LOXHD1: variants seen among roughly 807,000 people sequenced by gnomAD.
LOXHD1 encodes lipoxygenase homology PLAT domains 1.
A neutral mutation model predicts 248.2 loss-of-function variants in LOXHD1; 205 were observed. That is an observed-to-expected ratio of 0.83 (90% CI 0.74 to 0.93). The LOEUF (loss-of-function observed/expected upper bound fraction) is 0.93. Among genes scored for constraint, LOXHD1 ranks in the 40% least tolerant of loss-of-function variants. The pLI is 0.00. For synonymous variants in LOXHD1, 1,113 were observed against 1,162.8 expected (o/e 0.96, Z 0.87); for missense variants, 2,930 against 2,971.6 (o/e 0.99, Z 0.33).
chr18:46,537,350 T>C (rs1051577972), intron 26 of LOXHD1, among the ~76,000 whole-genome samples: 1 of 152,214 alleles, frequency 6.6e-6, no homozygotes, highest in Non-Finnish European at 1.5e-5. Context: ...GGGACAATTA[T>C]AGCACAGAGT....
chr18:46,479,803 T>C (rs2143469518), intron 40 of LOXHD1, among the ~76,000 whole-genome samples: 1 of 152,092 alleles, frequency 6.6e-6, no homozygotes, highest in Admixed American at 6.5e-5. Context: ...TTTGGTTTTT[T>C]GCCTGCTTAC....
At chr18:46,653,457 T>G (rs2039138745) in intron 1 of LOXHD1, among the ~76,000 whole-genome samples, 1 of 152,190 alleles carries the variant, frequency 6.6e-6, no homozygotes. Context: ...GTTTAAAATT[T>G]TAACTTAAAG....
intron 18 of LOXHD1, 104 bp from the exon 19 acceptor site, chr18:46,560,649 G>A (rs1298525395): frequency 1.8e-6 from 2 of 1,093,202 alleles, no homozygotes; most frequent in South Asian, 1.6e-5. Flanking sequence ...TGTTTGCTAA[G>A]CTGCAGGATG....
At chr18:46,645,984 G>A (rs2039024131) in intron 2 of LOXHD1, among the ~76,000 whole-genome samples, 1 of 152,240 alleles carries the variant, frequency 6.6e-6, no homozygotes, top group Non-Finnish European at 1.5e-5. Flanking sequence ...CTGTAAGACT[G>A]AGGCTCTAAT....
intron 24 of LOXHD1, among the ~76,000 whole-genome samples, 189 bp from the exon 25 acceptor site, chr18:46,542,129 C>A (rs2036586431): frequency 6.6e-6 from 1 of 152,174 alleles, no homozygotes; most frequent in Admixed American, 6.5e-5. Context: ...GAAGCTGGAT[C>A]ACACTCCAGG....
intron 36 of LOXHD1, 47 bp downstream of exon 36, chr18:46,507,491 G>A (rs981162743): frequency 1.2e-5 from 19 of 1,547,966 alleles, no homozygotes; most frequent in African/African-American, 6.9e-5. Context: ...CGAATTTGAC[G>A]GTTGGAGTGG....
At chr18:46,618,358 T>C in intron 4 of LOXHD1, 68 bp from the exon 5 acceptor site, 1 of 1,009,426 alleles carries the variant, frequency 9.9e-7, no homozygotes, top group Non-Finnish European at 1.5e-6. Flanking sequence ...GGCCCCAAAG[T>C]AGCTACCACA....
intron 39 of LOXHD1, among the ~76,000 whole-genome samples, chr18:46,484,019 G>A (rs2032820598): frequency 6.6e-6 from 1 of 152,112 alleles, no homozygotes; most frequent in Non-Finnish European, 1.5e-5. Flanking sequence ...GGTGAGACTT[G>A]GAGAGCAGAG....
At chr18:46,493,870 G>C (rs1403374463) in intron 37 of LOXHD1, among the ~76,000 whole-genome samples, 2 of 152,142 alleles carry the variant, frequency 1.3e-5, no homozygotes, top group African/African-American at 4.8e-5. Context: ...TACATATTTA[G>C]GGCCTTCTTC....
intron 12 of LOXHD1, among the ~76,000 whole-genome samples, chr18:46,590,605 C>G (rs1291435939): frequency 2.0e-5 from 3 of 152,082 alleles, no homozygotes; most frequent in African/African-American, 7.2e-5. Flanking sequence ...TTGCCATTAC[C>G]TTTAATATTA....
rs1319784808 is a variant in LOXHD1, at chr18:46,485,085, T to G, written c.6116A>C (p.Glu2039Ala). ...ETRENVWLIL[E>A]GRKNRSKEFL... ...CTCTTTGGATCGGTTCTTCCTGCCC[T>G]CCAGGATGAGCCAGACGTTCTCCCT... The change falls in exon 39 of 41, where the codon GAG becomes GCG. Residue 2039 changes from glutamate to alanine, a missense_variant. Coordinates refer to ENST00000642948, the MANE Select transcript of LOXHD1 (RefSeq NM_001384474.1). 3.9e-6 allele frequency: 6 copies of G among 1,550,226 alleles called. No homozygotes were observed. Among genetic ancestry groups the G allele is most frequent in the Non-Finnish European group, 5.2e-6 (6 of 1,146,664 alleles).
At chr18:46,642,148 G>T in intron 2 of LOXHD1, 112 bp from the exon 3 acceptor site, 1 of 938,182 alleles carries the variant, frequency 1.1e-6, no homozygotes, top group Non-Finnish European at 1.7e-6. Context: ...CCTGGGGAGA[G>T]CTATGAGCAA....
rs1244744979 is a variant in LOXHD1 at position 46,593,748 on chromosome 18, G to A, written c.1283C>T (p.Ser428Phe). Reference protein sequence around the residue: ...RKKRLKKFPWSLWVWTTDLKK... With the variant: ...RKKRLKKFPWFLWVWTTDLKK... ...TAGGTCGGTTGTCCAGACCCACAGG[G>A]ACCAAGGGAATTCTGTAAGACAGAT... Residue 428 changes from serine to phenylalanine, a missense_variant, in exon 10 of 41, where the codon TCC (serine) becomes TTC (phenylalanine). Physicochemically the swap from Ser to Phe is radical, Grantham distance 155 (BLOSUM62 -2). Transcript: ENST00000642948. The A allele has an allele frequency of 9.7e-6, 15 of 1,551,710 alleles. No homozygotes were observed. Among genetic ancestry groups the A allele is most frequent in the Admixed American group, 2.0e-5 (1 of 50,994 alleles).
chr18:46,648,774 C>G (rs940467730), intron 2 of LOXHD1, among the ~76,000 whole-genome samples: 1 of 152,182 alleles, frequency 6.6e-6, no homozygotes, highest in South Asian at 2.1e-4. Flanking sequence ...ATTTTATGCT[C>G]ACAGCTCCCT....
intron 37 of LOXHD1, among the ~76,000 whole-genome samples, chr18:46,496,146 C>T (rs908367356): frequency 2.6e-5 from 4 of 152,180 alleles, no homozygotes; most frequent in African/African-American, 7.2e-5. Context: ...ATGAACAATA[C>T]AGCTGGTGTG....
intron 13 of LOXHD1, among the ~76,000 whole-genome samples, 156 bp from the exon 14 acceptor site, chr18:46,578,023 C>T (rs1376340638): frequency 1.3e-5 from 2 of 152,184 alleles, no homozygotes; most frequent in African/African-American, 4.8e-5. Flanking sequence ...TAAAGCACAG[C>T]TCACACCCAC....
intron 28 of LOXHD1, among the ~76,000 whole-genome samples, chr18:46,529,926 G>C (rs1238190533): frequency 6.6e-6 from 1 of 152,100 alleles, no homozygotes; most frequent in African/African-American, 2.4e-5. Flanking sequence ...GTCTCCTATG[G>C]CCCATAGGGA....
chr18:46,583,163 G>T, intron 12 of LOXHD1, among the ~76,000 whole-genome samples: 1 of 152,024 alleles, frequency 6.6e-6, no homozygotes, highest in East Asian at 1.9e-4. Flanking sequence ...ACTGGCTCAA[G>T]AAAAAATAGA....
intron 21 of LOXHD1, among the ~76,000 whole-genome samples, chr18:46,551,914 G>A (rs2037122112): frequency 6.6e-6 from 1 of 152,210 alleles, no homozygotes; most frequent in African/African-American, 2.4e-5. Flanking sequence ...CACGGATGAA[G>A]CTTGAGGACA....
Sources: allele counts gnomAD v4.1 joint callset (sites outside exome capture counted in the v4.1 genomes callset), GRCh38; gene constraint gnomAD v4.1.1; transcripts MANE v1.5; gene names NCBI Gene and HGNC (gene_info 2026-07-23, HGNC 2026-07-21).